The following PCNT variants were observed in gnomAD, a reference collection of about 807,000 sequenced individuals.
The protein encoded by PCNT is pericentrin, also known as kendrin.
In PCNT, 319 loss-of-function variants were observed where a neutral mutation model predicts 380.4. The ratio of observed to expected loss-of-function variants is 0.84; its 90% CI spans 0.77 to 0.92. The LOEUF is 0.92. PCNT is among the 40% of genes least tolerant of loss of function. PCNT has a pLI of 0.00. For synonymous variants in PCNT, 1,845 were observed against 1,735.2 expected, an observed-to-expected ratio of 1.06 and a Z score of -1.57; for missense variants, 4,400 against 4,255.3, an observed-to-expected ratio of 1.03 and a Z score of -0.95.
At chr21:46,390,594 T>G in intron 19 of PCNT, 76 bp from the exon 20 acceptor site, 3 of 1,505,082 alleles carry the variant, frequency 2.0e-6, no homozygotes, top group Non-Finnish European at 2.8e-6. Context: ...GGGGTAGAAG[T>G]GGCGTTCTCT....
At chr21:46,439,869 G>A (rs941791310) in intron 41 of PCNT, among the ~76,000 whole-genome samples, 2 of 152,202 alleles carry the variant, frequency 1.3e-5, no homozygotes, top group Non-Finnish European at 2.9e-5. Context: ...GTGGCATGTC[G>A]TAATTACTCC....
chr21:46,414,282 A>C (rs971368070), intron 29 of PCNT, among the ~76,000 whole-genome samples: 3 of 152,028 alleles, frequency 2.0e-5, no homozygotes, highest in Admixed American at 6.5e-5. Flanking sequence ...GTGAGCCACC[A>C]CGCCCAGCCT....
chr21:46,386,283 G>A lies in PCNT; in HGVS notation c.3464+300G>A, dbSNP rs1054532869. On this transcript the variant is annotated intron_variant, in intron 17 of 46. Transcript: ENST00000359568. ...AGCCGTTATCTCCCACACAGAGCCC[G>A]ACCCCTCCCCTTTAGTGTCTGCGTC... 3.9e-5 allele frequency among the ~76,000 whole-genome samples: 6 copies of A among 152,252 alleles called. No homozygotes were observed. In the South Asian group the frequency reaches 8.3e-4, roughly 21 times the overall value.
At chr21:46,325,387 G>T (rs534831603) in intron 1 of PCNT, among the ~76,000 whole-genome samples, 1 of 152,170 alleles carries the variant, frequency 6.6e-6, no homozygotes, top group Non-Finnish European at 1.5e-5. Context: ...TCCCAGGAGG[G>T]TGGAGGGGGG....
intron 40 of PCNT, 53 bp from the exon 41 acceptor site, chr21:46,438,111 T>A: frequency 7.2e-7 from 1 of 1,397,724 alleles, no homozygotes; most frequent in East Asian, 2.3e-5. Flanking sequence ...ACACAAGTAA[T>A]GTTCATGCCC....
At chr21:46,346,343 G>A in intron 4 of PCNT, 135 bp downstream of exon 4, 2 of 781,038 alleles carry the variant, frequency 2.6e-6, no homozygotes, top group Non-Finnish European at 4.2e-6. Flanking sequence ...CGTTCTGTGT[G>A]TGGGGCCATC....
intron 33 of PCNT, 46 bp downstream of exon 33, chr21:46,426,017 G>A (rs1348104161): frequency 1.9e-6 from 3 of 1,601,612 alleles, no homozygotes; most frequent in East Asian, 2.3e-5. Context: ...GATTTAAGGA[G>A]CTTGTGGTAA....
At chr21:46,390,550 G>A in intron 19 of PCNT, 120 bp from the exon 20 acceptor site, 1 of 1,050,620 alleles carries the variant, frequency 9.5e-7, no homozygotes, top group South Asian at 1.3e-5. Flanking sequence ...CCCTGGCCTG[G>A]CCCTGCCTGG....
At chr21:46,379,302 G>A (rs1049412432) in intron 15 of PCNT, among the ~76,000 whole-genome samples, 1 of 150,920 alleles carries the variant, frequency 6.6e-6, no homozygotes, top group Non-Finnish European at 1.5e-5. Flanking sequence ...TTCCCGGGCC[G>A]CGTGTCGTGA....
intron 3 of PCNT, 70 bp downstream of exon 3, chr21:46,334,838 C>T (rs1183139287): frequency 6.2e-7 from 1 of 1,609,184 alleles, no homozygotes; most frequent in African/African-American, 1.3e-5. Flanking sequence ...GAAATCCAAA[C>T]CAGTGAGAGG....
chr21:46,373,729 CTTTTTTTTTTT>C (rs57604484), intron 15 of PCNT, among the ~76,000 whole-genome samples: 4 of 63,102 alleles, frequency 6.3e-5, no homozygotes, highest in Non-Finnish European at 1.1e-4. Flanking sequence ...CCAGCCTTAG[CTTTTTTTTTTT>C]TTTTTTTTTG....
intron 38 of PCNT, among the ~76,000 whole-genome samples, chr21:46,433,612 C>T (rs1290076854): frequency 2.0e-5 from 3 of 152,068 alleles, no homozygotes; most frequent in East Asian, 3.8e-4. Context: ...TTGAGAACTT[C>T]CTGAAACCAC....
chr21:46,326,771 T>C (rs926519615), intron 2 of PCNT, among the ~76,000 whole-genome samples, 182 bp downstream of exon 2: 1 of 152,162 alleles, frequency 6.6e-6, no homozygotes, highest in Non-Finnish European at 1.5e-5. Context: ...CCCCGCACTT[T>C]GGGAGGCCGA....
Position 46,324,194 on chromosome 21 carries a change from T to A in PCNT, c.-35T>A, listed in dbSNP as rs886057177. On this transcript the variant is annotated 5_prime_UTR_variant, in exon 1 of 47. Coordinates refer to ENST00000359568, the MANE Select transcript of PCNT (RefSeq NM_006031.6). ...CGAAGGCTGCTCTGTGTCAGCCCCG[T>A]CACCGCCGGGCGGCCCGCGCGGAGT... 5 of 1,591,392 alleles carry A rather than the reference T, an allele frequency of 3.1e-6. No homozygotes were observed. Among genetic ancestry groups the A allele is most frequent in the Admixed American group, 1.7e-5 (1 of 57,954 alleles).
chr21:46,397,062 A>G (rs1020943137), intron 21 of PCNT, among the ~76,000 whole-genome samples: 1 of 152,176 alleles, frequency 6.6e-6, no homozygotes, highest in African/African-American at 2.4e-5. Flanking sequence ...AGAATCACCC[A>G]CATGTCACTC....
In PCNT at chr21:46,359,107, C is replaced by A. The variant is rs185128804; in HGVS notation, c.2154+1916C>A. 9.9e-4 allele frequency among the ~76,000 whole-genome samples: 151 copies of A among 152,160 alleles called. 1 individual carries two copies. The highest frequency in any genetic ancestry group is 3.4e-3 in the African/African-American group (141 of 41,528). ...ACAGGTGTGAGCCACCGCACCCAACCATGCCCAGCTAATTTTTGTATTTTT... is the reference window on the plus strand; with the variant it reads ...ACAGGTGTGAGCCACCGCACCCAACAATGCCCAGCTAATTTTTGTATTTTT... On this transcript the variant is annotated intron_variant, in intron 13 of 46. Coordinates refer to ENST00000359568, the MANE Select transcript of PCNT (RefSeq NM_006031.6).
intron 11 of PCNT, among the ~76,000 whole-genome samples, chr21:46,355,048 G>T (rs1309207654): frequency 6.6e-6 from 1 of 152,338 alleles, no homozygotes. Context: ...CCAGCTGTTA[G>T]TGGGCAGTGG....
chr21:46,327,462 G>A (rs2083430654), intron 2 of PCNT, among the ~76,000 whole-genome samples: 1 of 151,944 alleles, frequency 6.6e-6, no homozygotes, highest in Non-Finnish European at 1.5e-5. Context: ...GTGCAGTGGT[G>A]TGATCACAGG....
chr21:46,411,918 A>G lies in PCNT; in HGVS notation c.5845A>G (p.Arg1949Gly), dbSNP rs1034470805. The G allele has an allele frequency of 1.3e-6, 2 of 1,589,346 alleles. No homozygotes were observed. The highest frequency in any genetic ancestry group is 1.7e-6 in the Non-Finnish European group (2 of 1,175,858). ...RFLRCQVELD[R>G]RQARRATAHT... ...CCTGAGGTGCCAGGTGGAGCTGGACAGGCGGCAGGCCCGCAGAGCCACAGC... is the reference window on the plus strand; with the variant it reads ...CCTGAGGTGCCAGGTGGAGCTGGACGGGCGGCAGGCCCGCAGAGCCACAGC... Residue 1949 changes from arginine to glycine, a missense_variant, in exon 28 of 47, where the codon AGG becomes GGG. Transcript: ENST00000359568.
Sources: allele counts gnomAD v4.1 joint callset (sites outside exome capture counted in the v4.1 genomes callset), GRCh38; gene constraint gnomAD v4.1.1; transcripts MANE v1.5; gene names NCBI Gene and HGNC (gene_info 2026-07-23, HGNC 2026-07-21).